CUX1: variants seen among roughly 807,000 people sequenced by gnomAD.
CUX1 encodes the protein cut like homeobox 1, also known as protein CASP.
CUX1 carries 31 observed loss-of-function variants against 158.8 expected under a neutral mutation model. The observed-to-expected ratio is 0.20, with a 90% CI of 0.15 to 0.26. CUX1 has a LOEUF of 0.26. Among genes scored for constraint, CUX1 ranks in the 10% least tolerant of loss-of-function variants. The pLI is 1.00. For missense variants in CUX1, 1,589 were observed against 2,014.6 expected (o/e 0.79, Z 4.04); for synonymous variants, 879 against 862.1 (o/e 1.02, Z -0.34).
intron 8 of CUX1, among the ~76,000 whole-genome samples, chr7:102,155,010 T>C (rs1327347769): frequency 1.3e-5 from 2 of 152,202 alleles, no homozygotes; most frequent in East Asian, 3.8e-4. Flanking sequence ...TTGTTGTGGG[T>C]ACGCAGCAGC....
intron 8 of CUX1, among the ~76,000 whole-genome samples, chr7:102,132,308 TGCGCGCGCGC>T (rs369163250): frequency 3.5e-5 from 2 of 57,058 alleles, no homozygotes; most frequent in Non-Finnish European, 8.9e-5. Context: ...TGTGTGTGTG[TGCGCGCGCGC>T]GCGCGCACGC....
At chr7:101,951,409 C>G (rs943119586) in intron 2 of CUX1, among the ~76,000 whole-genome samples, 1 of 152,128 alleles carries the variant, frequency 6.6e-6, no homozygotes, top group Non-Finnish European at 1.5e-5. Flanking sequence ...GATAACTGCA[C>G]TAGTTATTAA....
At chr7:101,841,183 A>G (rs2970461) in intron 1 of CUX1, among the ~76,000 whole-genome samples, 24,935 of 152,058 alleles carry the variant, frequency 0.16, 2,143 homozygotes, top group East Asian at 0.26. Flanking sequence ...GTGAGCCACC[A>G]CGCCCGGCAG....
At chr7:101,824,660 T>G (rs1793057972) in intron 1 of CUX1, 1 of 152,166 alleles carries the variant, frequency 6.6e-6, no homozygotes, top group Non-Finnish European at 1.5e-5. Context: ...GAGCCCTTGC[T>G]GTCAGGACGG....
chr7:102,056,958 G>A (rs1824224798), intron 3 of CUX1, among the ~76,000 whole-genome samples: 1 of 149,392 alleles, frequency 6.7e-6, no homozygotes, highest in Admixed American at 6.7e-5. Flanking sequence ...CTGGAGTCTA[G>A]TGGTGCGATC....
intron 1 of CUX1, among the ~76,000 whole-genome samples, chr7:101,868,695 C>A (rs934314274): frequency 6.6e-6 from 1 of 152,146 alleles, no homozygotes; most frequent in Non-Finnish European, 1.5e-5. Context: ...CCATCAGCCG[C>A]AAAGCTCAGA....
chr7:101,848,371 G>A (rs1439975440), intron 1 of CUX1, among the ~76,000 whole-genome samples: 1 of 152,130 alleles, frequency 6.6e-6, no homozygotes. Context: ...TGTTCAGTGG[G>A]CAAATGAAAC....
chr7:101,872,895 C>T (rs181806409), intron 1 of CUX1, among the ~76,000 whole-genome samples: 7 of 151,890 alleles, frequency 4.6e-5, no homozygotes, highest in African/African-American at 7.2e-5. Context: ...TTTTTTGAGA[C>T]GGAGTCTCGC....
intron 2 of CUX1, among the ~76,000 whole-genome samples, chr7:101,927,171 C>T (rs1805690482): frequency 1.3e-5 from 2 of 152,142 alleles, no homozygotes; most frequent in South Asian, 2.1e-4. Context: ...CACACACACA[C>T]ACACACGGAG....
chr7:101,816,013 G>C, upstream of CUX1: 1 of 1,412,610 alleles, frequency 7.1e-7, no homozygotes, highest in Non-Finnish European at 9.5e-7. Flanking sequence ...CGCTCACTCC[G>C]TCTCAATATG....
chr7:102,064,655 G>A (rs1825338847), intron 3 of CUX1, among the ~76,000 whole-genome samples: 1 of 152,128 alleles, frequency 6.6e-6, no homozygotes, highest in Non-Finnish European at 1.5e-5. Context: ...TGCTCTTCCT[G>A]GCTGGTAGCC....
chr7:101,948,845 C>T (rs1808702439), intron 2 of CUX1, among the ~76,000 whole-genome samples: 1 of 152,168 alleles, frequency 6.6e-6, no homozygotes, highest in African/African-American at 2.4e-5. Context: ...ACATTTTGTT[C>T]TCTTTTCAGC....
chr7:102,148,996 C>G (rs1371489130), intron 8 of CUX1, among the ~76,000 whole-genome samples: 1 of 152,068 alleles, frequency 6.6e-6, no homozygotes, highest in Non-Finnish European at 1.5e-5. Flanking sequence ...TTGTGAATGT[C>G]ATTAACTCGT....
At position 101,916,042 on chromosome 7, in the gene CUX1, A is replaced by G. The variant is rs1485361781; in HGVS notation, c.31-73A>G. On this transcript the variant is annotated intron_variant, in intron 1 of 23. Coordinates refer to ENST00000292535, the MANE Select transcript of CUX1 (RefSeq NM_181552.4). This position sits in a 1 kb window ranked among gnomAD's most constrained non-coding sequence, Gnocchi z 4.4. ...GGTCTCTCCCCCAGTGTTCTGGTCAAATGCAAATAGGACCCTCCTCTAGTA... is the reference window on the plus strand; with the variant it reads ...GGTCTCTCCCCCAGTGTTCTGGTCAGATGCAAATAGGACCCTCCTCTAGTA... 3.9e-5 allele frequency: 42 copies of G among 1,075,154 alleles called. 1 individual carries two copies. The Admixed American group carries it at 7.2e-4, about 18-fold the overall frequency. The allele number at this position is 1,075,154 out of a possible 1,614,324, so 66.6% of individuals were successfully genotyped here.
intron 1 of CUX1, among the ~76,000 whole-genome samples, chr7:101,905,230 A>G (rs35065711): frequency 0.23 from 34,483 of 152,048 alleles, 5,770 homozygotes; most frequent in East Asian, 0.84. Context: ...TTTGGTGGAA[A>G]ATGTGACCTA....
intron 2 of CUX1, among the ~76,000 whole-genome samples, chr7:101,928,744 C>T (rs1805928752): frequency 6.7e-6 from 1 of 149,404 alleles, no homozygotes; most frequent in African/African-American, 2.5e-5. Context: ...GATCTCGGCT[C>T]ACTGCAAGCT....
intron 18 of CUX1, among the ~76,000 whole-genome samples, chr7:102,279,108 A>C (rs1309906863): frequency 6.6e-6 from 1 of 152,024 alleles, no homozygotes; most frequent in Non-Finnish European, 1.5e-5. Context: ...TGGGAGGCTG[A>C]GGCGGGCGGA....
intron 3 of CUX1, among the ~76,000 whole-genome samples, chr7:102,063,103 C>G (rs1563193586): frequency 6.9e-6 from 1 of 144,102 alleles, no homozygotes; most frequent in African/African-American, 2.6e-5. Flanking sequence ...GATTCCGTCT[C>G]TAAATAAATA....
intron 3 of CUX1, among the ~76,000 whole-genome samples, chr7:102,035,408 GGCTAA>G (rs1400883357): frequency 6.6e-6 from 1 of 151,984 alleles, no homozygotes; most frequent in Non-Finnish European, 1.5e-5. Context: ...ATTTAAAGTA[GGCTAA>G]GCTAAGCTAT....
Sources: allele counts gnomAD v4.1 joint callset (sites outside exome capture counted in the v4.1 genomes callset), GRCh38; gene constraint gnomAD v4.1.1; non-coding constraint Gnocchi (gnomAD v3.1); transcripts MANE v1.5; gene names NCBI Gene and HGNC (gene_info 2026-07-23, HGNC 2026-07-21).